PER3: variants seen among roughly 807,000 people sequenced by gnomAD.
PER3 encodes the protein period circadian protein homolog 3.
In PER3, 107 loss-of-function variants were observed where a neutral mutation model predicts 127.2. The observed-to-expected ratio is 0.84, with a 90% CI of 0.72 to 0.99. The LOEUF (loss-of-function observed/expected upper bound fraction) is 0.99. Ranked by LOEUF, PER3 falls within the 50% of genes least tolerant of loss-of-function variation. The probability of loss-of-function intolerance (pLI) is 0.00; values close to 1 mark genes in which losing one functional copy is unlikely to be tolerated. For missense variants in PER3, 1,560 were observed against 1,525.8 expected, an observed-to-expected ratio of 1.02 and a Z score of -0.37; for synonymous variants, 618 against 585.8, an observed-to-expected ratio of 1.05 and a Z score of -0.79.
chr1:7,830,866 GTAA>G (rs1269805104), intron 19 of PER3, among the ~76,000 whole-genome samples: 1 of 152,196 alleles, frequency 6.6e-6, no homozygotes, highest in Non-Finnish European at 1.5e-5. Context: ...ACACTCTTAA[GTAA>G]TGTAACTTTC....
rs6702109 is a variant in PER3 at position 7,795,375 on chromosome 1, A to T, written c.644+1367A>T. On this transcript the variant is annotated intron_variant, in intron 6 of 21. Coordinates refer to ENST00000377532, the MANE Select transcript of PER3 (RefSeq NM_001377275.1). ...ATTCAAATGCCTGTGTTGGCTGGTG[A>T]TAAGTTGTGTGTAGACAGTAAAGCA... Among the ~76,000 whole-genome samples the T allele has an allele frequency of 9.2e-3, 1,406 of 152,286 alleles. 15 individuals are homozygous for T. Among genetic ancestry groups the T allele is most frequent in the African/African-American group, 0.031 (1,270 of 41,542 alleles).
At chr1:7,821,558 C>G (rs2097276521) in intron 16 of PER3, among the ~76,000 whole-genome samples, 1 of 152,152 alleles carries the variant, frequency 6.6e-6, no homozygotes, top group Non-Finnish European at 1.5e-5. Flanking sequence ...CCTGTGTGGG[C>G]ATGTAGCTGT....
chr1:7,827,986 CTGTT>C (rs1047047862), intron 18 of PER3, among the ~76,000 whole-genome samples, 171 bp downstream of exon 18: 4 of 152,150 alleles, frequency 2.6e-5, no homozygotes, highest in Non-Finnish European at 5.9e-5. Flanking sequence ...CTGCCTGGCT[CTGTT>C]TGGAAAGTAG....
chr1:7,786,241 CGA>C (rs1558372861), intron 3 of PER3, among the ~76,000 whole-genome samples: 1 of 152,050 alleles, frequency 6.6e-6, no homozygotes, highest in African/African-American at 2.4e-5. Context: ...GGTGACAGAG[CGA>C]GACTCTGTCT....
Position 7,810,556 on chromosome 1 carries a change from C to T in PER3, c.1490C>T (p.Pro497Leu), listed in dbSNP as rs149385070. 1.4e-5 allele frequency: 23 copies of T among 1,612,034 alleles called. No homozygotes were observed. Among genetic ancestry groups the T allele is most frequent in the African/African-American group, 2.7e-5 (2 of 74,794 alleles). ...CCAGTGACGGGGACACGCACAGAAC[C>T]GAATGGTGGTGGTGAGTCAGCGAAT... is the stretch of plus-strand genomic sequence containing the variant. Reference protein sequence around the residue: ...FKPVTGTRTEPNGGGESANGG... With the variant: ...FKPVTGTRTELNGGGESANGG... Residue 497 changes from proline to leucine, a missense_variant, in exon 13 of 22, where the codon CCG becomes CTG. By Grantham distance (98) the Pro-to-Leu change is moderately conservative. This residue lies in a region of PER3 where 1,332 missense variants were observed against 1,223.6 expected (regional missense o/e 1.09). Transcript: ENST00000377532.
chr1:7,788,264 C>T lies in PER3; in HGVS notation c.592+18C>T. The T allele has an allele frequency of 6.5e-7, 1 of 1,532,430 alleles. No individual in the cohort carries two copies. The highest frequency in any genetic ancestry group is 2.2e-5 in the East Asian group (1 of 44,510). The allele number at this position is 1,532,430 out of a possible 1,614,324, so 94.9% of individuals were successfully genotyped here. A position where few individuals can be genotyped will look rare whatever the true frequency, so the allele number is the denominator to read the frequency against. Reference sequence around the variant, plus strand: ...CCAAAGAGGTAACAGGACCAATGTTCAGATGTCTATCTTTCCTCATCAAGA... The same window carrying T: ...CCAAAGAGGTAACAGGACCAATGTTTAGATGTCTATCTTTCCTCATCAAGA... On this transcript the variant is annotated intron_variant, in intron 5 of 21. Transcript: ENST00000377532.
chr1:7,816,297 A>G (rs2097251114), intron 13 of PER3, among the ~76,000 whole-genome samples: 1 of 152,168 alleles, frequency 6.6e-6, no homozygotes, highest in South Asian at 2.1e-4. Flanking sequence ...AGCCATACTG[A>G]ACAAAAGAAA....
intron 18 of PER3, 22 bp from the exon 19 acceptor site, chr1:7,829,812 T>C (rs375096425): frequency 2.3e-5 from 36 of 1,583,648 alleles, no homozygotes; most frequent in Non-Finnish European, 2.9e-5. Flanking sequence ...AAAGTGTCTT[T>C]TCATGTGCCC....
chr1:7,845,133 TTTTAAG>T lies in PER3; in HGVS notation c.*2380_*2385del, dbSNP rs2097404661. 6.6e-6 allele frequency: 1 copy of T among 152,380 alleles called. No individual in the cohort carries two copies. Among genetic ancestry groups the T allele is most frequent in the African/African-American group, 2.4e-5 (1 of 41,458 alleles). The allele number at this position is 152,380 out of a possible 1,614,324, so 9.4% of individuals were successfully genotyped here. A position where few individuals can be genotyped will look rare whatever the true frequency, so the allele number is the denominator to read the frequency against. On this transcript the variant is annotated 3_prime_UTR_variant, in exon 22 of 22. Transcript: ENST00000377532. ...TTAGTAATATTTCAGTTGGGTATCT[TTTTAAG>T]TAAAAACAACAAATAAACTCTGTAC... is the stretch of plus-strand genomic sequence containing the variant.
At chr1:7,806,750 CA>C (rs1044203692) in intron 10 of PER3, among the ~76,000 whole-genome samples, 121 of 146,180 alleles carry the variant, frequency 8.3e-4, no homozygotes, top group Non-Finnish European at 1.4e-3. Context: ...GCCAGAATTG[CA>C]CCACTGCACT....
chr1:7,812,624 C>CAAAAAA (rs35962033), intron 13 of PER3, among the ~76,000 whole-genome samples: 6,470 of 84,942 alleles, frequency 0.076, 488 homozygotes, highest in Middle Eastern at 0.13. Flanking sequence ...GACTCCGTCT[C>CAAAAAA]AAAAAAAAAA....
rs1248248689 is a variant in PER3 at position 7,820,655 on chromosome 1, TCTTA to T, written c.1957+19_1957+22del. On this transcript the variant is annotated intron_variant, in intron 16 of 21. Coordinates refer to ENST00000377532, the MANE Select transcript of PER3 (RefSeq NM_001377275.1). ...CCCAGAGACAGGTACCACACTCGCC[TCTTA>T]CTTTGAAAATATACTCAACTTTAAC... 13 of 1,581,860 alleles carry T rather than the reference TCTTA, an allele frequency of 8.2e-6. No homozygotes were observed. In the East Asian group the frequency reaches 2.7e-4, roughly 33 times the overall value.
At position 7,837,053 on chromosome 1, in the gene PER3, G is replaced by A; in HGVS notation, c.3453G>A (p.Gln1151=). 3 of 1,613,816 alleles carry A rather than the reference G, an allele frequency of 1.9e-6. No homozygotes were observed. The highest frequency in any genetic ancestry group is 2.5e-6 in the Non-Finnish European group (3 of 1,179,714). ...EDLEKLESMR[Q]QQPQFSHGQK... ...TGGAAAAGCTAGAAAGTATGAGGCA[G>A]CAGCAGCCCCAGTTTTCTCATGGGC... Residue 1151 remains glutamine (Q), a synonymous_variant, in exon 21 of 22, where the codon CAG becomes CAA. Coordinates refer to ENST00000377532, the MANE Select transcript of PER3 (RefSeq NM_001377275.1).
Position 7,827,232 on chromosome 1 carries a change from G to C in PER3, c.2303G>C (p.Arg768Pro). 2 of 1,613,860 alleles carry C rather than the reference G, an allele frequency of 1.2e-6. No homozygotes were observed. The highest frequency in any genetic ancestry group is 2.2e-5 in the South Asian group (2 of 91,078). Residue 768 changes from arginine (R) to proline (P), a missense_variant, in exon 18 of 22, where the codon CGC becomes CCC. Coordinates refer to ENST00000377532, the MANE Select transcript of PER3 (RefSeq NM_001377275.1). Reference sequence around the variant, plus strand: ...AGCTCGAACACCGGCTCTGGTCCCCGCAGGGGAGCGCATCAGAACGCACAG... The same window carrying C: ...AGCTCGAACACCGGCTCTGGTCCCCCCAGGGGAGCGCATCAGAACGCACAG... ...SSSSNTGSGP[R>P]RGAHQNAQPC... is the part of the protein sequence containing the mutation.
chr1:7,838,222 A>G (rs1414060197), intron 21 of PER3, among the ~76,000 whole-genome samples: 1 of 152,176 alleles, frequency 6.6e-6, no homozygotes. Context: ...ATAACATGGA[A>G]TTTACCTTCT....
chr1:7,784,883 C>T lies in PER3; in HGVS notation c.6C>T (p.Pro2=), dbSNP rs1004896489. The T allele has an allele frequency of 1.3e-6, 2 of 1,508,626 alleles. No homozygotes were observed. Among genetic ancestry groups the T allele is most frequent in the Non-Finnish European group, 1.8e-6 (2 of 1,140,654 alleles). The allele number at this position is 1,508,626 out of a possible 1,614,324, so 93.5% of individuals were successfully genotyped here. ...AGCCCCGCGGAGACCTCGAGATGCC[C>T]CGCGGGGAAGCTCCTGGCCCCGGGA... M[P]RGEAPGPGRR... The change falls in exon 2 of 22, where the codon CCC becomes CCT. Residue 2 remains proline, a synonymous_variant. Coordinates refer to ENST00000377532, the MANE Select transcript of PER3 (RefSeq NM_001377275.1).
intron 6 of PER3, among the ~76,000 whole-genome samples, chr1:7,794,696 G>C (rs1291965301): frequency 1.3e-5 from 2 of 152,044 alleles, no homozygotes; most frequent in East Asian, 3.9e-4. Context: ...GAAAGCAAGA[G>C]ATTTATATTT....
In PER3 at chr1:7,786,953, A is replaced by G. The variant is rs1268006632; in HGVS notation, c.390+117A>G. 4.5e-6 allele frequency: 3 copies of G among 670,156 alleles called. No individual in the cohort carries two copies. The African/African-American group carries it at 5.4e-5, about 12-fold the overall frequency. 41.5% of individuals were successfully genotyped at this position (670,156 alleles called of 1,614,324 possible). A position where few individuals can be genotyped will look rare whatever the true frequency, so the allele number is the denominator to read the frequency against. The stretch of plus-strand genomic sequence containing the variant: ...TCAGCAACCACAATTTGAGAGAAGC[A>G]AAGGAGGAACTGCTAAAGAGGCATG... On this transcript the variant is annotated intron_variant, in intron 4 of 21. Transcript: ENST00000377532.
intron 16 of PER3, among the ~76,000 whole-genome samples, chr1:7,822,496 G>A (rs189557525): frequency 4.0e-5 from 6 of 151,892 alleles, no homozygotes; most frequent in South Asian, 2.1e-4. Flanking sequence ...CAGGTGATCC[G>A]CCCACCTTGG....
Sources: allele counts gnomAD v4.1 joint callset (sites outside exome capture counted in the v4.1 genomes callset), GRCh38; gene constraint gnomAD v4.1.1; regional missense constraint gnomAD v4.1.1; transcripts MANE v1.5; gene names NCBI Gene and HGNC (gene_info 2026-07-23, HGNC 2026-07-21).